PLPP3: variants seen among roughly 807,000 people sequenced by gnomAD.
PLPP3 encodes phospholipid phosphatase 3.
A neutral mutation model predicts 29.6 loss-of-function variants in PLPP3; 6 were observed. The ratio of observed to expected loss-of-function variants is 0.20; its 90% CI spans 0.11 to 0.40. The LOEUF (loss-of-function observed/expected upper bound fraction) is 0.40. Ranked by LOEUF, PLPP3 falls within the 10% of genes least tolerant of loss-of-function variation. The pLI is 1.00. For synonymous variants in PLPP3, 152 were observed against 159.7 expected, an observed-to-expected ratio of 0.95 and a Z score of 0.36; for missense variants, 308 against 407.7, an observed-to-expected ratio of 0.76 and a Z score of 2.11.
chr1:56,524,852 G>A lies in PLPP3; in HGVS notation c.298-298C>T, dbSNP rs1346891220. ...TGTGTGTATCTTTTTTTTTAAGGGA[G>A]AGACAAGAACTTAACTATAGAAAAG... On this transcript the variant is annotated intron_variant, in intron 2 of 5. Transcript: ENST00000371250. The surrounding 1 kb of genome is among the most constrained non-coding windows in gnomAD (Gnocchi z 4.3). Among the ~76,000 whole-genome samples, 1 of 151,690 alleles carries A rather than the reference G, an allele frequency of 6.6e-6. No homozygotes were observed. The highest frequency in any genetic ancestry group is 2.4e-5 in the African/African-American group (1 of 41,236).
intron 5 of PLPP3, among the ~76,000 whole-genome samples, chr1:56,503,579 C>CT (rs751922971): frequency 6.6e-6 from 1 of 152,040 alleles, no homozygotes; most frequent in Non-Finnish European, 1.5e-5. Context: ...ATCCCAGCTA[C>CT]TTGGGAGACT....
At chr1:56,497,193 G>A (rs565426761) in intron 5 of PLPP3, among the ~76,000 whole-genome samples, 158 of 152,258 alleles carry the variant, frequency 1.0e-3, no homozygotes, top group Non-Finnish European at 1.7e-3. Context: ...CATTTGACGG[G>A]GGTCAAGAAA....
At chr1:56,499,072 G>A (rs943854748) in intron 5 of PLPP3, among the ~76,000 whole-genome samples, 2 of 24,836 alleles carry the variant, frequency 8.1e-5, no homozygotes, top group Non-Finnish European at 1.6e-4. Flanking sequence ...CAGCTCCCCC[G>A]TCCCCCCCCC....
rs550662763 is a variant in PLPP3, at chr1:56,500,875, G to A, written c.811-4199C>T. On this transcript the variant is annotated intron_variant, in intron 5 of 5. Transcript: ENST00000371250. Reference sequence around the variant, plus strand: ...AAAAATTAGGTGGGCATGATGGTGGGTGCCTATAATCCCAGCTACTCGGGA... The same window carrying A: ...AAAAATTAGGTGGGCATGATGGTGGATGCCTATAATCCCAGCTACTCGGGA... Among the ~76,000 whole-genome samples, 16 of 151,976 alleles carry A rather than the reference G, an allele frequency of 1.1e-4. No individual in the cohort carries two copies. The South Asian group carries it at 2.5e-3, about 24-fold the overall frequency.
chr1:56,527,962 C>T (rs1307149858), intron 2 of PLPP3, among the ~76,000 whole-genome samples: 1 of 152,046 alleles, frequency 6.6e-6, no homozygotes, highest in East Asian at 1.9e-4. Flanking sequence ...TAAGCTCTTC[C>T]CTCCCCCTCC....
intron 1 of PLPP3, among the ~76,000 whole-genome samples, chr1:56,567,466 C>T (rs1256292009): frequency 7.1e-6 from 1 of 139,884 alleles, no homozygotes; most frequent in Non-Finnish European, 1.5e-5. Flanking sequence ...GGCGCGATCT[C>T]GGCTCACTGC....
chr1:56,558,450 A>C (rs1646098882), intron 1 of PLPP3, among the ~76,000 whole-genome samples: 1 of 152,206 alleles, frequency 6.6e-6, no homozygotes, highest in African/African-American at 2.4e-5. Flanking sequence ...AGATCAGATA[A>C]ACTATGTCTA....
chr1:56,563,095 C>T (rs1403447149), intron 1 of PLPP3, among the ~76,000 whole-genome samples: 1 of 152,196 alleles, frequency 6.6e-6, no homozygotes, highest in Non-Finnish European at 1.5e-5. Context: ...TTGCCAGCTG[C>T]TTTCCTGCTC....
intron 1 of PLPP3, among the ~76,000 whole-genome samples, chr1:56,565,409 C>T (rs1044792613): frequency 2.0e-5 from 3 of 151,926 alleles, no homozygotes; most frequent in African/African-American, 7.3e-5. Context: ...TGATAAAAGG[C>T]CTAAAGTCCC....
chr1:56,574,943 C>G (rs962003182), intron 1 of PLPP3, among the ~76,000 whole-genome samples: 1 of 152,142 alleles, frequency 6.6e-6, no homozygotes, highest in African/African-American at 2.4e-5. Flanking sequence ...GGTAAAGAAA[C>G]TGAGACTCAG....
At chr1:56,549,092 AGTGAAAGAT>A (rs1646022937) in intron 1 of PLPP3, among the ~76,000 whole-genome samples, 1 of 152,240 alleles carries the variant, frequency 6.6e-6, no homozygotes, top group African/African-American at 2.4e-5. Flanking sequence ...GCGAACTGGC[AGTGAAAGAT>A]GTTAATGTTG....
At chr1:56,521,362 T>C (rs998053938) in intron 4 of PLPP3, among the ~76,000 whole-genome samples, 2 of 152,178 alleles carry the variant, frequency 1.3e-5, no homozygotes, top group African/African-American at 4.8e-5. Context: ...CTGTCCTCAC[T>C]TTTTGACCCT....
intron 5 of PLPP3, among the ~76,000 whole-genome samples, chr1:56,497,015 G>A (rs1032792694): frequency 7.2e-5 from 11 of 152,172 alleles, no homozygotes; most frequent in African/African-American, 1.7e-4. Flanking sequence ...CCTCAACAAA[G>A]GAAGCAGGTC....
chr1:56,513,990 A>G (rs1345884225), intron 4 of PLPP3, among the ~76,000 whole-genome samples: 2 of 152,078 alleles, frequency 1.3e-5, no homozygotes, highest in Non-Finnish European at 2.9e-5. Flanking sequence ...TGGGGAAAAA[A>G]TTATTCTAAA....
intron 1 of PLPP3, among the ~76,000 whole-genome samples, chr1:56,544,362 G>A (rs1186119602): frequency 6.6e-6 from 1 of 152,202 alleles, no homozygotes; most frequent in Middle Eastern, 3.4e-3. Flanking sequence ...TCACAAATGA[G>A]GTGTTTTATT....
At chr1:56,513,155 C>G (rs2100234323) in intron 4 of PLPP3, 1 of 152,182 alleles carries the variant, frequency 6.6e-6, no homozygotes, top group East Asian at 1.9e-4. Flanking sequence ...AGACACTAGA[C>G]AGGGTGGAGT....
At chr1:56,570,978 A>C (rs1449453737) in intron 1 of PLPP3, among the ~76,000 whole-genome samples, 1 of 152,216 alleles carries the variant, frequency 6.6e-6, no homozygotes, top group African/African-American at 2.4e-5. Flanking sequence ...CACTCAGCTA[A>C]CATCCACTGA....
At chr1:56,525,541 C>A (rs1245351421) in intron 2 of PLPP3, among the ~76,000 whole-genome samples, 1 of 152,144 alleles carries the variant, frequency 6.6e-6, no homozygotes, top group Non-Finnish European at 1.5e-5. Context: ...GATATAGTGA[C>A]ATCATTTACA....
At chr1:56,510,668 A>T (rs1490248430) in intron 5 of PLPP3, among the ~76,000 whole-genome samples, 1 of 152,244 alleles carries the variant, frequency 6.6e-6, no homozygotes, top group Non-Finnish European at 1.5e-5. Context: ...AGCCTTATTC[A>T]TTCCTATACC....
Sources: allele counts gnomAD v4.1 joint callset (sites outside exome capture counted in the v4.1 genomes callset), GRCh38; gene constraint gnomAD v4.1.1; non-coding constraint Gnocchi (gnomAD v3.1); transcripts MANE v1.5; gene names NCBI Gene and HGNC (gene_info 2026-07-23, HGNC 2026-07-21).